The following LONRF2 variants were observed in gnomAD, a reference collection of about 807,000 sequenced individuals.
LONRF2 encodes the protein LON peptidase N-terminal domain and RING finger protein 2.
In LONRF2, 35 loss-of-function variants were observed where a neutral mutation model predicts 66.6. The observed-to-expected ratio is 0.53, with a 90% CI of 0.40 to 0.70. LONRF2 has a LOEUF of 0.70. Among genes scored for constraint, LONRF2 ranks in the 30% least tolerant of loss-of-function variants. The pLI is 0.00. For synonymous variants in LONRF2, 417 were observed against 418.1 expected (o/e 1.00, Z 0.03); for missense variants, 902 against 1,002.1 (o/e 0.90, Z 1.35).
At chr2:100,300,026 G>GC in intron 4 of LONRF2, 108 bp from the exon 5 acceptor site, 1 of 488,792 alleles carries the variant, frequency 2.0e-6, no homozygotes, top group Non-Finnish European at 3.6e-6. Context: ...AAAAGGGGGG[G>GC]GCATACACTC....
At chr2:100,320,239 T>C (rs572467643) in intron 1 of LONRF2, among the ~76,000 whole-genome samples, 3 of 152,354 alleles carry the variant, frequency 2.0e-5, no homozygotes, top group South Asian at 2.1e-4. Context: ...GCTTACACAA[T>C]AGTTCTAATT....
At chr2:100,287,212 T>A in intron 10 of LONRF2, 149 bp from the exon 11 acceptor site, 1 of 701,486 alleles carries the variant, frequency 1.4e-6, no homozygotes, top group Non-Finnish European at 2.2e-6. Context: ...ATGCTCAATA[T>A]AGAAATCTGC....
chr2:100,288,063 C>T (rs1044286616), intron 10 of LONRF2, among the ~76,000 whole-genome samples: 16 of 152,132 alleles, frequency 1.1e-4, no homozygotes, highest in Non-Finnish European at 4.4e-5. Context: ...CATGTTGTAG[C>T]TATTTAAGCC....
intron 9 of LONRF2, among the ~76,000 whole-genome samples, chr2:100,291,263 T>G (rs1674954998): frequency 6.6e-6 from 1 of 152,082 alleles, no homozygotes; most frequent in Non-Finnish European, 1.5e-5. Context: ...AAAGGGAGTT[T>G]GCATCACACA....
chr2:100,292,035 C>G (rs1232476871), intron 9 of LONRF2, among the ~76,000 whole-genome samples: 1 of 152,208 alleles, frequency 6.6e-6, no homozygotes, highest in Non-Finnish European at 1.5e-5. Flanking sequence ...TGGTGAGCAG[C>G]TTTACTACAC....
chr2:100,305,394 T>G (rs961768723), intron 2 of LONRF2, among the ~76,000 whole-genome samples: 10 of 152,204 alleles, frequency 6.6e-5, no homozygotes, highest in Admixed American at 4.6e-4. Context: ...AGTAAACCAC[T>G]ACCCCTGTTA....
At chr2:100,304,053 A>G (rs1675239070) in intron 2 of LONRF2, among the ~76,000 whole-genome samples, 1 of 151,906 alleles carries the variant, frequency 6.6e-6, no homozygotes, top group Non-Finnish European at 1.5e-5. Context: ...CTATAGATCT[A>G]TCTTCAATTT....
intron 3 of LONRF2, among the ~76,000 whole-genome samples, chr2:100,302,508 T>C (rs1380837145): frequency 6.6e-6 from 1 of 152,248 alleles, no homozygotes; most frequent in African/African-American, 2.4e-5. Flanking sequence ...TGTGACTGGA[T>C]GATGGGTAAA....
intron 1 of LONRF2, among the ~76,000 whole-genome samples, chr2:100,318,769 G>A (rs1675561798): frequency 6.7e-6 from 1 of 150,220 alleles, no homozygotes; most frequent in African/African-American, 2.4e-5. Flanking sequence ...GGAGGCAGAG[G>A]TTGCAGTGAC....
intron 9 of LONRF2, among the ~76,000 whole-genome samples, chr2:100,293,354 C>T (rs1675000636): frequency 6.6e-6 from 1 of 152,284 alleles, no homozygotes; most frequent in African/African-American, 2.4e-5. Flanking sequence ...GTGGAAAATT[C>T]TGAGTGGCCC....
At position 100,321,912 on chromosome 2, in the gene LONRF2, C is replaced by T; in HGVS notation, c.182G>A (p.Cys61Tyr). ...GGCCAGCGCGTCCCCCAGCCTCAGG[C>T]ACAGGCCGCGGTCCGGCTGCGCCAG... ...AGLAQPDRGL[C>Y]LRLGDALARA... The change falls in exon 1 of 12, where the codon TGC becomes TAC. Residue 61 changes from cysteine (C) to tyrosine (Y), a missense_variant. Physicochemically the swap from Cys to Tyr is radical, Grantham distance 194. This residue lies in a region of LONRF2 where 585 missense variants were observed against 569.9 expected (regional missense o/e 1.03). Coordinates refer to ENST00000393437, the MANE Select transcript of LONRF2 (RefSeq NM_198461.4). 1 of 1,342,988 alleles carries T rather than the reference C, an allele frequency of 7.4e-7. No individual in the cohort carries two copies. The highest frequency in any genetic ancestry group is 1.5e-5 in the African/African-American group (1 of 66,400). The allele number at this position is 1,342,988 out of a possible 1,614,324, so 83.2% of individuals were successfully genotyped here.
chr2:100,285,904 A>C (rs1322036164), intron 11 of LONRF2, among the ~76,000 whole-genome samples: 3 of 152,192 alleles, frequency 2.0e-5, no homozygotes, highest in African/African-American at 4.8e-5. Flanking sequence ...GTAGGAAGCT[A>C]ATATACCCGC....
In LONRF2 at chr2:100,322,097, C is replaced by CGCGGGGCTGCGACGACGCGGGT. The variant is rs2104227175; in HGVS notation, c.-26_-5dup. 2 of 1,254,448 alleles carry CGCGGGGCTGCGACGACGCGGGT rather than the reference C, an allele frequency of 1.6e-6. No individual in the cohort carries two copies. The highest frequency in any genetic ancestry group is 2.0e-6 in the Non-Finnish European group (2 of 1,001,572). The allele number at this position is 1,254,448 out of a possible 1,614,324, so 77.7% of individuals were successfully genotyped here. Reference sequence around the variant, plus strand: ...GCGGGACCGGCTCGGGGCTCATCACCGCGGGGCTGCGACGACGCGGGTCCG... The same window carrying CGCGGGGCTGCGACGACGCGGGT: ...GCGGGACCGGCTCGGGGCTCATCACCGCGGGGCTGCGACGACGCGGGTGCGGGGCTGCGACGACGCGGGTCCG... On this transcript the variant is annotated 5_prime_UTR_variant, in exon 1 of 12. Transcript: ENST00000393437.
Position 100,277,106 on chromosome 2 carries a change from C to G in LONRF2, c.*7192G>C, listed in dbSNP as rs953426807. Reference sequence around the variant, plus strand: ...ACAAATCAGCTTGCTTTAAATGGGGCACCCTCCATAAACAACCTCTATAAT... The same window carrying G: ...ACAAATCAGCTTGCTTTAAATGGGGGACCCTCCATAAACAACCTCTATAAT... On this transcript the variant is annotated 3_prime_UTR_variant, in exon 12 of 12. Transcript: ENST00000393437. 15 of 152,320 alleles carry G rather than the reference C, an allele frequency of 9.8e-5. No homozygotes were observed. Among genetic ancestry groups the G allele is most frequent in the African/African-American group, 3.6e-4 (15 of 41,564 alleles). The allele number at this position is 152,320 out of a possible 1,614,324, so 9.4% of individuals were successfully genotyped here.
intron 3 of LONRF2, 33 bp from the exon 4 acceptor site, chr2:100,300,820 A>G (rs375989653): frequency 1.3e-6 from 2 of 1,498,886 alleles, no homozygotes; most frequent in Admixed American, 4.6e-5. Context: ...AAAAATATAT[A>G]TTTTAAAACA....
At chr2:100,284,562 T>A (rs546813197) in intron 11 of LONRF2, 70 bp from the exon 12 acceptor site, 11 of 1,312,812 alleles carry the variant, frequency 8.4e-6, no homozygotes, top group Admixed American at 3.4e-5. Flanking sequence ...CACAGTCTTT[T>A]GCTCCACCAA....
intron 7 of LONRF2, among the ~76,000 whole-genome samples, chr2:100,297,203 A>G (rs893729467): frequency 2.0e-4 from 30 of 151,372 alleles, no homozygotes; most frequent in Admixed American, 1.8e-3. Flanking sequence ...ATCTTGGCTC[A>G]CTGCAAGCTC....
chr2:100,278,246 A>C lies in LONRF2; in HGVS notation c.*6052T>G, dbSNP rs543045071. 2 of 152,178 alleles carry C rather than the reference A, an allele frequency of 1.3e-5. No individual in the cohort carries two copies. The highest frequency in any genetic ancestry group is 2.9e-5 in the Non-Finnish European group (2 of 68,026). 9.4% of individuals were successfully genotyped at this position (152,178 alleles called of 1,614,324 possible). On this transcript the variant is annotated 3_prime_UTR_variant, in exon 12 of 12. Transcript: ENST00000393437. ...AACATTACCATAGTCCCCTTTAAAC[A>C]TAAAAAGAGGGCTATGTCTTGCATT...
In LONRF2 at chr2:100,290,418, A is replaced by T; in HGVS notation, c.1760T>A (p.Leu587His). ...GMCLSAEHAG[L>H]SEYGCMLEIK... is the part of the protein sequence containing the mutation. ...CTCCAGCATGCATCCATACTCTGAAAGCCTGAAAAGACAGTTAGGAGAAAT... is the reference window on the plus strand; with the variant it reads ...CTCCAGCATGCATCCATACTCTGAATGCCTGAAAAGACAGTTAGGAGAAAT... Residue 587 changes from leucine (L) to histidine (H), a missense_variant and splice_region_variant, in exon 10 of 12, where the codon CTT becomes CAT. Leu to His is a moderately conservative substitution (Grantham distance 99). This residue lies in a region of LONRF2 where 317 missense variants were observed against 432.2 expected (regional missense o/e 0.73). Coordinates refer to ENST00000393437, the MANE Select transcript of LONRF2 (RefSeq NM_198461.4). 1 of 1,606,554 alleles carries T rather than the reference A, an allele frequency of 6.2e-7. No individual in the cohort carries two copies. The highest frequency in any genetic ancestry group is 8.5e-7 in the Non-Finnish European group (1 of 1,177,468).
Sources: gnomAD v4.1 joint callset for allele counts (sites outside exome capture counted in the v4.1 genomes callset) on GRCh38, gnomAD v4.1.1 for gene constraint, gnomAD v4.1.1 regional missense constraint, MANE v1.5 for transcripts, NCBI Gene and HGNC (gene_info 2026-07-23, HGNC 2026-07-21) for gene names.